GALNTL6: variants seen among roughly 807,000 people sequenced by gnomAD.
GALNTL6 encodes the protein polypeptide N-acetylgalactosaminyltransferase like 6.
Under a neutral mutation model 73.7 loss-of-function variants are expected in GALNTL6, and 46 were observed. The observed-to-expected ratio is 0.62, with a 90% CI of 0.49 to 0.80. The LOEUF (loss-of-function observed/expected upper bound fraction) is 0.80. GALNTL6 is among the 30% of genes least tolerant of loss of function. The pLI, the probability that GALNTL6 is intolerant of heterozygous loss-of-function variation, is 0.00. For missense variants in GALNTL6, 604 were observed against 755.0 expected, an observed-to-expected ratio of 0.80 and a Z score of 2.34; for synonymous variants, 259 against 263.7, an observed-to-expected ratio of 0.98 and a Z score of 0.17.
At chr4:172,536,955 G>A (rs1315391983) in intron 5 of GALNTL6, among the ~76,000 whole-genome samples, 1 of 152,108 alleles carries the variant, frequency 6.6e-6, no homozygotes, top group African/African-American at 2.4e-5. Context: ...CTGCCCTATT[G>A]AATTTCAGAC....
intron 5 of GALNTL6, among the ~76,000 whole-genome samples, chr4:172,429,242 C>T (rs1450654920): frequency 1.5e-5 from 1 of 65,014 alleles, no homozygotes; most frequent in Non-Finnish European, 3.9e-5. Flanking sequence ...GACTGAGTCT[C>T]GCACTGTCTC....
intron 5 of GALNTL6, among the ~76,000 whole-genome samples, chr4:172,630,094 A>T (rs1156714657): frequency 6.6e-6 from 1 of 152,176 alleles, no homozygotes; most frequent in Non-Finnish European, 1.5e-5. Context: ...ATTTTCCCCC[A>T]AATAGGAAGT....
At chr4:172,035,810 C>T (rs763370425) in intron 2 of GALNTL6, among the ~76,000 whole-genome samples, 1 of 152,136 alleles carries the variant, frequency 6.6e-6, no homozygotes, top group Non-Finnish European at 1.5e-5. Flanking sequence ...ATGGCTTTGA[C>T]AGTTGTCAAC....
At chr4:172,522,639 C>G (rs1734814594) in intron 5 of GALNTL6, among the ~76,000 whole-genome samples, 1 of 149,692 alleles carries the variant, frequency 6.7e-6, no homozygotes, top group Non-Finnish European at 1.5e-5. Flanking sequence ...CATCGGACTC[C>G]AGCCTGGGTA....
At chr4:172,203,327 G>A (rs955396375) in intron 2 of GALNTL6, among the ~76,000 whole-genome samples, 1 of 152,138 alleles carries the variant, frequency 6.6e-6, no homozygotes, top group Non-Finnish European at 1.5e-5. Flanking sequence ...TGTAAGCTTT[G>A]TCAAGAAAGA....
chr4:172,282,791 G>T (rs910245206), intron 3 of GALNTL6, among the ~76,000 whole-genome samples: 1 of 152,206 alleles, frequency 6.6e-6, no homozygotes, highest in South Asian at 2.1e-4. Context: ...TTTTGGAGGC[G>T]TAATCAAATG....
intron 5 of GALNTL6, among the ~76,000 whole-genome samples, chr4:172,402,614 CAAA>C (rs879277457): frequency 1.3e-5 from 2 of 151,900 alleles, no homozygotes; most frequent in Non-Finnish European, 1.5e-5. Flanking sequence ...GAAAGGATTT[CAAA>C]AAGACTGTTG....
chr4:172,480,961 T>G (rs1733438844), intron 5 of GALNTL6, among the ~76,000 whole-genome samples: 1 of 152,192 alleles, frequency 6.6e-6, no homozygotes, highest in Non-Finnish European at 1.5e-5. Context: ...ATTGACATTT[T>G]TGCCATATTT....
At chr4:171,969,070 C>G (rs1229504850) in intron 2 of GALNTL6, among the ~76,000 whole-genome samples, 1 of 152,008 alleles carries the variant, frequency 6.6e-6, no homozygotes, top group African/African-American at 2.4e-5. Flanking sequence ...CTCCTGACCT[C>G]GTGATCTGCC....
At chr4:172,817,464 GTTATTA>G (rs905686620) in intron 7 of GALNTL6, among the ~76,000 whole-genome samples, 26 of 152,124 alleles carry the variant, frequency 1.7e-4, no homozygotes, top group Non-Finnish European at 2.6e-4. Flanking sequence ...AATATTTTGG[GTTATTA>G]TTAAGGAAGA....
intron 5 of GALNTL6, among the ~76,000 whole-genome samples, chr4:172,513,891 G>T (rs1340273240): frequency 6.6e-6 from 1 of 152,198 alleles, no homozygotes; most frequent in East Asian, 1.9e-4. Flanking sequence ...TATGCTGGTT[G>T]TGCTGGCAGT....
chr4:172,264,127 AG>A (rs1315638346), intron 3 of GALNTL6, among the ~76,000 whole-genome samples: 1 of 151,618 alleles, frequency 6.6e-6, no homozygotes, highest in African/African-American at 2.4e-5. Context: ...GAGATAAAGA[AG>A]GCCTGGGAAT....
chr4:172,416,751 A>C (rs1730851268), intron 5 of GALNTL6, among the ~76,000 whole-genome samples: 1 of 152,182 alleles, frequency 6.6e-6, no homozygotes, highest in South Asian at 2.1e-4. Flanking sequence ...TTAAAAGTAG[A>C]GATGATTATA....
chr4:172,488,823 GAA>G, intron 5 of GALNTL6, among the ~76,000 whole-genome samples: 2 of 137,186 alleles, frequency 1.5e-5, no homozygotes, highest in East Asian at 5.3e-4. Context: ...AGAGAACTGC[GAA>G]GGCAGTCCTG....
rs1236834539 is a variant in GALNTL6 at position 172,505,015 on chromosome 4, T to G, written c.553+156326T>G. Among the ~76,000 whole-genome samples, 2 of 55,274 alleles carry G rather than the reference T, an allele frequency of 3.6e-5. 1 individual carries two copies. Among genetic ancestry groups the G allele is most frequent in the Non-Finnish European group, 8.4e-5 (2 of 23,880 alleles). The allele number at this position is 55,274 out of a possible 152,430, so 36.3% of individuals were successfully genotyped here. ...ATAAGAAAGGAAATTTTTTTCTAAG[T>G]GATTATAATGTCATTTTCAAGTTAT... On this transcript the variant is annotated intron_variant, in intron 5 of 12. Transcript: ENST00000506823.
chr4:172,958,533 G>A (rs1213780352), intron 10 of GALNTL6, among the ~76,000 whole-genome samples: 1 of 152,156 alleles, frequency 6.6e-6, no homozygotes, highest in East Asian at 1.9e-4. Context: ...GGCAAAACCA[G>A]GTATCTAAAG....
chr4:172,699,434 T>C (rs1024405622), intron 5 of GALNTL6, among the ~76,000 whole-genome samples: 16 of 152,216 alleles, frequency 1.1e-4, no homozygotes, highest in African/African-American at 3.9e-4. Context: ...GGTTCAGTCC[T>C]TCATAGTGAC....
intron 3 of GALNTL6, among the ~76,000 whole-genome samples, chr4:172,278,227 A>T (rs866673666): frequency 2.0e-5 from 3 of 152,126 alleles, no homozygotes; most frequent in Non-Finnish European, 4.4e-5. Context: ...TTTTAAGTTG[A>T]GCCAAAATGT....
chr4:172,110,988 A>G (rs754357914), intron 2 of GALNTL6, among the ~76,000 whole-genome samples: 50 of 151,878 alleles, frequency 3.3e-4, no homozygotes, highest in Middle Eastern at 3.4e-3. Flanking sequence ...TAGTAATCTC[A>G]CTTAATTTTG....
Sources: gnomAD v4.1 joint callset for allele counts (sites outside exome capture counted in the v4.1 genomes callset) on GRCh38, gnomAD v4.1.1 for gene constraint, MANE v1.5 for transcripts, NCBI Gene and HGNC (gene_info 2026-07-23, HGNC 2026-07-21) for gene names.